ARHGAP42: variants seen among roughly 807,000 people sequenced by gnomAD.
ARHGAP42 encodes Rho GTPase activating protein 42, also known as rho GTPase-activating protein 42.
In ARHGAP42, 63 loss-of-function variants were observed where a neutral mutation model predicts 125.0. The ratio of observed to expected loss-of-function variants is 0.50; its 90% CI spans 0.41 to 0.62. ARHGAP42 has a LOEUF of 0.62. Among genes scored for constraint, ARHGAP42 ranks in the 20% least tolerant of loss-of-function variants. ARHGAP42 has a pLI of 0.00. For synonymous variants in ARHGAP42, 339 were observed against 351.0 expected (o/e 0.97, Z 0.38); for missense variants, 766 against 1,024.2 (o/e 0.75, Z 3.44).
chr11:100,955,727 C>T (rs1857786083), intron 12 of ARHGAP42, among the ~76,000 whole-genome samples: 1 of 152,096 alleles, frequency 6.6e-6, no homozygotes, highest in Admixed American at 6.6e-5. Flanking sequence ...AATTATCAGC[C>T]TTTTTAATGG....
At chr11:100,696,136 A>G (rs538821361) in intron 1 of ARHGAP42, among the ~76,000 whole-genome samples, 1 of 152,236 alleles carries the variant, frequency 6.6e-6, no homozygotes, top group Non-Finnish European at 1.5e-5. Flanking sequence ...AGGTGGGAAG[A>G]GCGATTGAAG....
intron 1 of ARHGAP42, among the ~76,000 whole-genome samples, chr11:100,726,731 C>G (rs1861868624): frequency 6.6e-6 from 1 of 152,216 alleles, no homozygotes; most frequent in African/African-American, 2.4e-5. Context: ...TGTATAATTT[C>G]AGCTCCTTGA....
At chr11:100,911,740 T>TG in intron 4 of ARHGAP42, among the ~76,000 whole-genome samples, 1 of 152,244 alleles carries the variant, frequency 6.6e-6, no homozygotes, top group Admixed American at 6.5e-5. Flanking sequence ...TCCTGAACCT[T>TG]GGGCCTCTCT....
intron 3 of ARHGAP42, among the ~76,000 whole-genome samples, chr11:100,838,201 G>A (rs553024284): frequency 3.1e-4 from 47 of 151,938 alleles, no homozygotes; most frequent in Middle Eastern, 3.4e-3. Flanking sequence ...TGCATTTTGC[G>A]CAGGAATTAA....
intron 1 of ARHGAP42, among the ~76,000 whole-genome samples, chr11:100,719,148 A>C (rs1397536394): frequency 6.6e-6 from 1 of 152,262 alleles, no homozygotes; most frequent in Non-Finnish European, 1.5e-5. Flanking sequence ...ATAAATTTAA[A>C]AATGTCAGGC....
chr11:100,903,484 G>A (rs1866619605), intron 4 of ARHGAP42, among the ~76,000 whole-genome samples: 1 of 151,318 alleles, frequency 6.6e-6, no homozygotes, highest in African/African-American at 2.4e-5. Context: ...TTCACCCAGG[G>A]TGATTTTCCA....
At chr11:100,810,930 T>A (rs1419780067) in intron 3 of ARHGAP42, among the ~76,000 whole-genome samples, 1 of 152,058 alleles carries the variant, frequency 6.6e-6, no homozygotes, top group Non-Finnish European at 1.5e-5. Flanking sequence ...AGCAATAAAA[T>A]GAACATTTTA....
At chr11:100,740,003 A>C (rs1403355629) in intron 1 of ARHGAP42, among the ~76,000 whole-genome samples, 1 of 152,122 alleles carries the variant, frequency 6.6e-6, no homozygotes, top group East Asian at 1.9e-4. Flanking sequence ...TTGCGTGTTG[A>C]AATATTATTT....
chr11:100,720,176 G>C (rs1187818046), intron 1 of ARHGAP42, among the ~76,000 whole-genome samples: 2 of 152,190 alleles, frequency 1.3e-5, no homozygotes, highest in Admixed American at 1.3e-4. Context: ...AGATGGCCTG[G>C]TGTATGTGAG....
Position 100,921,502 on chromosome 11 carries a change from A to G in ARHGAP42, c.495A>G (p.Thr165=), listed in dbSNP as rs1172977513. 1.3e-6 allele frequency: 2 copies of G among 1,545,148 alleles called. No individual in the cohort carries two copies. The highest frequency in any genetic ancestry group is 2.8e-5 in the African/African-American group (2 of 72,600). The part of the protein sequence containing the change: ...KKESHLQEAD[T]QIDREHQNFY... The stretch of plus-strand genomic sequence containing the variant: ...CTGGTTTTTCTCTTTAGGCAGATAC[A>G]CAAATTGACCGAGAACATCAGAACT... The change falls in exon 6 of 24, where the codon ACA becomes ACG. Residue 165 remains threonine, a synonymous_variant. Coordinates refer to ENST00000298815, the MANE Select transcript of ARHGAP42 (RefSeq NM_152432.4).
chr11:100,723,910 C>G (rs150920534), intron 1 of ARHGAP42, among the ~76,000 whole-genome samples: 6 of 152,230 alleles, frequency 3.9e-5, no homozygotes, highest in Non-Finnish European at 7.4e-5. Flanking sequence ...TCATCTTTAT[C>G]AAATTGAGGA....
intron 21 of ARHGAP42, among the ~76,000 whole-genome samples, chr11:100,977,404 G>A (rs1030672573): frequency 6.6e-6 from 1 of 152,064 alleles, no homozygotes; most frequent in Non-Finnish European, 1.5e-5. Context: ...TCCTACGCCC[G>A]CATACCTGAG....
chr11:100,691,369 T>C (rs1367785885), intron 1 of ARHGAP42, among the ~76,000 whole-genome samples: 1 of 152,336 alleles, frequency 6.6e-6, no homozygotes, highest in Non-Finnish European at 1.5e-5. Context: ...ATAATTTGCC[T>C]TTTACTTTTT....
chr11:100,934,235 G>C (rs973155704), intron 7 of ARHGAP42, among the ~76,000 whole-genome samples: 1 of 151,896 alleles, frequency 6.6e-6, no homozygotes, highest in African/African-American at 2.4e-5. Flanking sequence ...ATGTGGTTTC[G>C]AGGCATTCAA....
intron 3 of ARHGAP42, among the ~76,000 whole-genome samples, chr11:100,797,535 G>A (rs1012945314): frequency 1.3e-5 from 2 of 151,852 alleles, no homozygotes; most frequent in African/African-American, 4.8e-5. Context: ...GAGCCTGGAT[G>A]AGAGCACATC....
chr11:100,878,238 C>T (rs951029838), intron 4 of ARHGAP42, among the ~76,000 whole-genome samples: 4 of 151,996 alleles, frequency 2.6e-5, no homozygotes, highest in Non-Finnish European at 4.4e-5. Flanking sequence ...AAGTGATTCT[C>T]CTGCCTCAGC....
At chr11:100,748,572 T>C (rs1282292829) in intron 1 of ARHGAP42, among the ~76,000 whole-genome samples, 1 of 152,248 alleles carries the variant, frequency 6.6e-6, no homozygotes, top group Non-Finnish European at 1.5e-5. Context: ...TTTTTGTTTT[T>C]GTTTTTTTTG....
At chr11:100,922,732 T>C (rs898046870) in intron 6 of ARHGAP42, among the ~76,000 whole-genome samples, 1 of 152,174 alleles carries the variant, frequency 6.6e-6, no homozygotes, top group African/African-American at 2.4e-5. Context: ...AGCTATCCCC[T>C]AAAGATAATG....
intron 4 of ARHGAP42, among the ~76,000 whole-genome samples, chr11:100,881,797 G>C (rs989664281): frequency 1.3e-5 from 2 of 151,980 alleles, no homozygotes; most frequent in Non-Finnish European, 2.9e-5. Flanking sequence ...TTACCATCTT[G>C]GTTAGGTGTA....
Sources: gnomAD v4.1 joint callset for allele counts (sites outside exome capture counted in the v4.1 genomes callset) on GRCh38, gnomAD v4.1.1 for gene constraint, MANE v1.5 for transcripts, NCBI Gene and HGNC (gene_info 2026-07-23, HGNC 2026-07-21) for gene names.